The following IFRD1 variants were observed in gnomAD, a reference collection of about 807,000 sequenced individuals.
IFRD1 encodes the protein interferon-related developmental regulator 1.
Under a neutral mutation model 52.9 loss-of-function variants are expected in IFRD1, and 35 were observed. That is an observed-to-expected ratio of 0.66 (90% CI 0.51 to 0.88). The LOEUF (loss-of-function observed/expected upper bound fraction) is 0.88. Ranked by LOEUF, IFRD1 falls within the 40% of genes least tolerant of loss-of-function variation. IFRD1 has a pLI of 0.00. For synonymous variants in IFRD1, 184 were observed against 188.4 expected (o/e 0.98, Z 0.19); for missense variants, 517 against 550.8 (o/e 0.94, Z 0.61).
intron 1 of IFRD1, among the ~76,000 whole-genome samples, chr7:112,426,424 A>C (rs992512197): frequency 6.6e-6 from 1 of 152,176 alleles, no homozygotes; most frequent in African/African-American, 2.4e-5. Context: ...TGCTGCTATA[A>C]CAGAATAGCA....
chr7:112,449,836 G>C (rs910602905), upstream of IFRD1, among the ~76,000 whole-genome samples: 5 of 142,342 alleles, frequency 3.5e-5, no homozygotes, highest in African/African-American at 1.3e-4. Flanking sequence ...TGGGGGGGGG[G>C]GGGGATGGGG....
rs561097312 is a variant in IFRD1 at position 112,443,501 on chromosome 7, G to A, written c.-181-7007G>A. On this transcript the variant is annotated intron_variant, in intron 1 of 12. Transcript: ENST00000005558. ...CGGGAGGATTGCTTGAGCCCAGGAG[G>A]TCAAGGCTGCAGTGAGCTGTGATGG... Among the ~76,000 whole-genome samples, 4 of 152,146 alleles carry A rather than the reference G, an allele frequency of 2.6e-5. No individual in the cohort carries two copies. The South Asian group carries it at 6.2e-4, about 24-fold the overall frequency.
rs145877870 is a variant in IFRD1 at position 112,459,038 on chromosome 7, A to G, written c.567+20A>G. 5.0e-6 allele frequency: 8 copies of G among 1,601,832 alleles called. No individual in the cohort carries two copies. The East Asian group carries it at 6.7e-5, about 13-fold the overall frequency. On this transcript the variant is annotated intron_variant, in intron 5 of 11. Coordinates refer to ENST00000403825, the MANE Select transcript of IFRD1 (RefSeq NM_001550.4). Reference sequence around the variant, plus strand: ...CAAACTGTAAGTATAAGATATTTACATTTATAGATCTGTCTATTCATGACA... The same window carrying G: ...CAAACTGTAAGTATAAGATATTTACGTTTATAGATCTGTCTATTCATGACA...
At chr7:112,446,826 G>A (rs1233048693), upstream of IFRD1, among the ~76,000 whole-genome samples, 1 of 152,304 alleles carries the variant, frequency 6.6e-6, no homozygotes, top group East Asian at 1.9e-4. Flanking sequence ...ATGCAATATG[G>A]AGAGAGAGGT....
chr7:112,447,946 A>T (rs1332256747), upstream of IFRD1, among the ~76,000 whole-genome samples: 1 of 152,132 alleles, frequency 6.6e-6, no homozygotes, highest in Admixed American at 6.5e-5. Context: ...GAATGTATGT[A>T]TGTAGTGATA....
chr7:112,426,972 G>T (rs987153066), intron 1 of IFRD1, among the ~76,000 whole-genome samples: 7 of 152,164 alleles, frequency 4.6e-5, no homozygotes, highest in Non-Finnish European at 8.8e-5. Context: ...GTTGATTCAT[G>T]TCTCATGTCT....
intron 11 of IFRD1, among the ~76,000 whole-genome samples, chr7:112,473,350 T>TG (rs1048561434): frequency 5.3e-5 from 8 of 152,142 alleles, no homozygotes; most frequent in African/African-American, 1.9e-4. Context: ...GCCTGCTAAG[T>TG]GAAGTACCAG....
intron 1 of IFRD1, 126 bp downstream of exon 1, chr7:112,450,908 T>A (rs1795144094): frequency 2.7e-6 from 2 of 737,246 alleles, no homozygotes; most frequent in East Asian, 5.0e-5. Context: ...GGGTGCGTGG[T>A]TTGGCTACTG....
At chr7:112,430,145 T>C (rs1326250922) in intron 1 of IFRD1, among the ~76,000 whole-genome samples, 3 of 152,184 alleles carry the variant, frequency 2.0e-5, no homozygotes, top group Admixed American at 6.5e-5. Flanking sequence ...CAGAGGGAGT[T>C]AGGAGCCAAG....
chr7:112,457,307 A>G, intron 4 of IFRD1: 1 of 565,318 alleles, frequency 1.8e-6, no homozygotes, highest in Non-Finnish European at 3.1e-6. Context: ...GGTGATGGTC[A>G]TTCTCTTGTT....
chr7:112,429,508 GAA>G (rs1197791487), intron 1 of IFRD1, among the ~76,000 whole-genome samples: 2 of 152,226 alleles, frequency 1.3e-5, no homozygotes, highest in African/African-American at 4.8e-5. Context: ...ACATCTGAAA[GAA>G]GAGTTGTCTT....
intron 1 of IFRD1, among the ~76,000 whole-genome samples, chr7:112,442,561 C>A (rs772561997): frequency 1.3e-5 from 2 of 152,156 alleles, no homozygotes; most frequent in East Asian, 1.9e-4. Context: ...ATGGACTCAC[C>A]GCTTAGGGGT....
At chr7:112,429,136 C>T (rs17159628) in intron 1 of IFRD1, among the ~76,000 whole-genome samples, 2,051 of 152,272 alleles carry the variant, frequency 0.013, 46 homozygotes, top group African/African-American at 0.046. Context: ...GCAATTACTC[C>T]GTTGTACTTT....
chr7:112,470,487 G>A (rs1795719177), intron 9 of IFRD1, among the ~76,000 whole-genome samples: 1 of 152,168 alleles, frequency 6.6e-6, no homozygotes, highest in Admixed American at 6.5e-5. Context: ...TAAAAACCTT[G>A]GCTGTGATGG....
chr7:112,444,615 C>T (rs958918874), intron 1 of IFRD1, among the ~76,000 whole-genome samples: 5 of 152,128 alleles, frequency 3.3e-5, no homozygotes, highest in African/African-American at 9.7e-5. Context: ...CTTACACTGG[C>T]AAACATTCAT....
At position 112,472,638 on chromosome 7, in the gene IFRD1, CAG is replaced by C. The variant is rs1171210593; in HGVS notation, c.1171-126_1171-125del. ...AAACAATTTGCTTTCTATTGAGAAA[CAG>C]AAAATAAGTGATCTAAGTTTATCTG... On this transcript the variant is annotated intron_variant, in intron 10 of 11. Transcript: ENST00000403825. 1.1e-4 allele frequency: 84 copies of C among 763,322 alleles called. 2 individuals carry two copies. In the South Asian group the frequency reaches 1.2e-3, roughly 11 times the overall value. 47.3% of individuals were successfully genotyped at this position (763,322 alleles called of 1,614,324 possible). A position where few individuals can be genotyped will look rare whatever the true frequency, so the allele number is the denominator to read the frequency against.
At chr7:112,474,738 G>C (rs1487958958) in intron 11 of IFRD1, among the ~76,000 whole-genome samples, 1 of 152,082 alleles carries the variant, frequency 6.6e-6, no homozygotes, top group Non-Finnish European at 1.5e-5. Context: ...TAAAAAATGT[G>C]TTTATTTAAT....
chr7:112,456,584 G>A (rs1252971786), intron 3 of IFRD1, among the ~76,000 whole-genome samples: 2 of 151,948 alleles, frequency 1.3e-5, no homozygotes, highest in Non-Finnish European at 2.9e-5. Context: ...TAAAAAAAGT[G>A]TAAATTTACT....
In IFRD1 at chr7:112,476,262, G is replaced by A. The variant is rs1471376561; in HGVS notation, c.*743G>A. On this transcript the variant is annotated 3_prime_UTR_variant, in exon 12 of 12. Coordinates refer to ENST00000403825, the MANE Select transcript of IFRD1 (RefSeq NM_001550.4). ...TACAGAGTCCAAAATGACTAGGCCAGGTGGGCAGGGAGACAAAGCTTTATG... is the reference window on the plus strand; with the variant it reads ...TACAGAGTCCAAAATGACTAGGCCAAGTGGGCAGGGAGACAAAGCTTTATG... The A allele has an allele frequency of 6.6e-6, 1 of 151,998 alleles. No individual in the cohort carries two copies. Among genetic ancestry groups the A allele is most frequent in the East Asian group, 1.9e-4 (1 of 5,208 alleles). The allele number at this position is 151,998 out of a possible 1,614,324, so 9.4% of individuals were successfully genotyped here.
Sources: allele counts gnomAD v4.1 joint callset (sites outside exome capture counted in the v4.1 genomes callset), GRCh38; gene constraint gnomAD v4.1.1; transcripts MANE v1.5; gene names NCBI Gene and HGNC (gene_info 2026-07-23, HGNC 2026-07-21).